SLIT3: variants seen among roughly 807,000 people sequenced by gnomAD.
The protein encoded by SLIT3 is slit homolog 3 protein.
A neutral mutation model predicts 184.0 loss-of-function variants in SLIT3; 68 were observed. The ratio of observed to expected loss-of-function variants is 0.37; its 90% CI spans 0.30 to 0.45. The LOEUF is 0.45. Ranked by LOEUF, SLIT3 falls within the 20% of genes least tolerant of loss-of-function variation. SLIT3 has a pLI of 1.00. For missense variants in SLIT3, 1,707 were observed against 2,026.0 expected (o/e 0.84, Z 3.02); for synonymous variants, 831 against 828.6 (o/e 1.00, Z -0.05).
chr5:169,006,205 T>A (rs12152720), intron 4 of SLIT3, among the ~76,000 whole-genome samples: 5,542 of 152,342 alleles, frequency 0.036, 127 homozygotes, highest in Middle Eastern at 0.065. Flanking sequence ...CCAACCAGCC[T>A]GGCCATCCTC....
At chr5:169,154,833 A>T (rs1762245748) in intron 4 of SLIT3, among the ~76,000 whole-genome samples, 1 of 152,250 alleles carries the variant, frequency 6.6e-6, no homozygotes, top group Non-Finnish European at 1.5e-5. Context: ...GAGAACAAGG[A>T]TCAAAGAAAA....
intron 4 of SLIT3, among the ~76,000 whole-genome samples, chr5:169,127,814 T>G (rs1030516899): frequency 2.6e-5 from 4 of 152,132 alleles, no homozygotes; most frequent in Non-Finnish European, 5.9e-5. Context: ...TTAGGAAATT[T>G]AGCATCATTA....
intron 12 of SLIT3, among the ~76,000 whole-genome samples, 177 bp downstream of exon 12, chr5:168,785,730 C>T (rs1235189393): frequency 3.3e-5 from 5 of 152,198 alleles, no homozygotes; most frequent in Non-Finnish European, 5.9e-5. Context: ...TCTGCCCGCT[C>T]GCTGACTCTC....
intron 16 of SLIT3, among the ~76,000 whole-genome samples, chr5:168,759,689 T>C (rs1242676162): frequency 6.6e-6 from 1 of 152,188 alleles, no homozygotes; most frequent in East Asian, 1.9e-4. Context: ...TTTGTTTTGG[T>C]TTTTGTTTTG....
chr5:168,962,041 C>A (rs555064187), intron 4 of SLIT3, among the ~76,000 whole-genome samples: 1 of 152,210 alleles, frequency 6.6e-6, no homozygotes, highest in African/African-American at 2.4e-5. Context: ...TTGCAGCATT[C>A]TTGCAGGGCA....
At chr5:169,026,961 A>G (rs1023023864) in intron 4 of SLIT3, among the ~76,000 whole-genome samples, 3 of 152,190 alleles carry the variant, frequency 2.0e-5, no homozygotes, top group Admixed American at 6.5e-5. Context: ...ATGAGGGGAT[A>G]TTGTGTGGAA....
intron 4 of SLIT3, among the ~76,000 whole-genome samples, chr5:169,172,441 C>T (rs918598198): frequency 2.0e-5 from 3 of 152,174 alleles, no homozygotes; most frequent in Admixed American, 1.3e-4. Flanking sequence ...GAACTAGCTG[C>T]GTATATACTT....
intron 1 of SLIT3, among the ~76,000 whole-genome samples, chr5:169,274,657 G>A (rs1190657605): frequency 6.6e-6 from 1 of 152,212 alleles, no homozygotes; most frequent in East Asian, 1.9e-4. Context: ...TGGGCAAACA[G>A]GGAGATCTTC....
At chr5:168,675,496 T>C (rs1159461529) in intron 32 of SLIT3, among the ~76,000 whole-genome samples, 1 of 152,190 alleles carries the variant, frequency 6.6e-6, no homozygotes, top group African/African-American at 2.4e-5. Context: ...AGTTTCCTCA[T>C]CTGTAAAAGG....
In SLIT3 at chr5:169,052,194, G is replaced by A. The variant is rs1319449637; in HGVS notation, c.413+141285C>T. ...ACAGAGAGGGCTCCTTCACCCACAT[G>A]GAAACATGAAAAGAAAATGAAATTC... is the stretch of plus-strand genomic sequence containing the variant. On this transcript the variant is annotated intron_variant, in intron 4 of 35. Transcript: ENST00000519560. Among the ~76,000 whole-genome samples the A allele has an allele frequency of 3.3e-5, 5 of 152,208 alleles. No homozygotes were observed. The East Asian group carries it at 9.7e-4, about 29-fold the overall frequency.
chr5:168,764,442 G>A (rs544161329), intron 14 of SLIT3, among the ~76,000 whole-genome samples: 3 of 152,230 alleles, frequency 2.0e-5, no homozygotes, highest in East Asian at 1.9e-4. Flanking sequence ...ATGTTTTGCT[G>A]CAGACTTGCT....
At chr5:168,862,183 T>C (rs907740827) in intron 5 of SLIT3, among the ~76,000 whole-genome samples, 1 of 152,196 alleles carries the variant, frequency 6.6e-6, no homozygotes, top group Non-Finnish European at 1.5e-5. Context: ...AGCATAAGAA[T>C]GATACGTTGG....
At position 168,665,794 on chromosome 5, in the gene SLIT3, A is replaced by C. The variant is rs1348997700; in HGVS notation, c.*660T>G. 1 of 152,386 alleles carries C rather than the reference A, an allele frequency of 6.6e-6. No homozygotes were observed. The highest frequency in any genetic ancestry group is 1.5e-5 in the Non-Finnish European group (1 of 68,182). 9.4% of individuals were successfully genotyped at this position (152,386 alleles called of 1,614,324 possible). On this transcript the variant is annotated 3_prime_UTR_variant, in exon 36 of 36. Transcript: ENST00000519560. ...TACCCTGAAGGGGGGTCTGGGACAGACAGGGACAGCAATATTTTTGAGTGG... is the reference window on the plus strand; with the variant it reads ...TACCCTGAAGGGGGGTCTGGGACAGCCAGGGACAGCAATATTTTTGAGTGG...
chr5:168,858,127 C>A (rs912236666), intron 5 of SLIT3, among the ~76,000 whole-genome samples: 1 of 152,154 alleles, frequency 6.6e-6, no homozygotes, highest in African/African-American at 2.4e-5. Flanking sequence ...TTTTAGAAAG[C>A]GAAGGCTAGA....
intron 4 of SLIT3, among the ~76,000 whole-genome samples, chr5:168,968,863 T>C (rs867917565): frequency 6.6e-6 from 1 of 152,172 alleles, no homozygotes. Flanking sequence ...CTTGAGTAAG[T>C]TACTGTACCT....
chr5:168,677,656 C>T (rs1308961453), intron 32 of SLIT3, among the ~76,000 whole-genome samples: 1 of 152,270 alleles, frequency 6.6e-6, no homozygotes, highest in East Asian at 1.9e-4. Context: ...GCCATGTTGG[C>T]CAGGCTGTTC....
chr5:169,214,180 A>T (rs1291066732), intron 3 of SLIT3, among the ~76,000 whole-genome samples: 1 of 152,252 alleles, frequency 6.6e-6, no homozygotes, highest in African/African-American at 2.4e-5. Flanking sequence ...GTGGCTCTGT[A>T]TTCTGCCTGA....
intron 35 of SLIT3, chr5:168,667,847 A>G (rs188345109): frequency 1.3e-5 from 2 of 152,344 alleles, no homozygotes; most frequent in East Asian, 3.9e-4. Flanking sequence ...GGTTAATGAC[A>G]ATGTGTGCAT....
intron 3 of SLIT3, among the ~76,000 whole-genome samples, chr5:169,201,556 CAGG>C (rs938798280): frequency 1.3e-5 from 2 of 152,182 alleles, no homozygotes; most frequent in African/African-American, 4.8e-5. Context: ...GTTGGAAATT[CAGG>C]AGATTTATTT....
Sources: allele counts gnomAD v4.1 joint callset (sites outside exome capture counted in the v4.1 genomes callset), GRCh38; gene constraint gnomAD v4.1.1; transcripts MANE v1.5; gene names NCBI Gene and HGNC (gene_info 2026-07-23, HGNC 2026-07-21).